The following TSR1 variants were observed in gnomAD, a reference collection of about 807,000 sequenced individuals.
TSR1 encodes the protein pre-rRNA-processing protein TSR1 homolog.
In TSR1, 81 loss-of-function variants were observed where a neutral mutation model predicts 90.9. The ratio of observed to expected loss-of-function variants is 0.89; its 90% CI spans 0.74 to 1.07. The LOEUF (loss-of-function observed/expected upper bound fraction) is 1.07. TSR1 is among the 50% of genes least tolerant of loss of function. The probability of loss-of-function intolerance (pLI) is 0.00; values close to 1 mark genes in which losing one functional copy is unlikely to be tolerated. For synonymous variants in TSR1, 362 were observed against 348.8 expected (o/e 1.04, Z -0.42); for missense variants, 989 against 987.3 (o/e 1.00, Z -0.02).
rs372693289 is a variant in TSR1, at chr17:2,330,964, C to T, written c.1642G>A (p.Glu548Lys). ...ATAGATACCTCAGCTCCTTCAACCTCTTTTTCTTCAACCTCTTTAAAGATG... is the reference window on the plus strand; with the variant it reads ...ATAGATACCTCAGCTCCTTCAACCTTTTTTTCTTCAACCTCTTTAAAGATG... Reference protein sequence around the residue: ...KSIFKEVEEKEVEGAEVGWYV... With the variant: ...KSIFKEVEEKKVEGAEVGWYV... Residue 548 changes from glutamate (E) to lysine (K), a missense_variant, in exon 9 of 15, where the codon GAG (glutamate) becomes AAG (lysine). Physicochemically the swap from Glu to Lys is moderately conservative, Grantham distance 56 (BLOSUM62 1). Coordinates refer to ENST00000301364, the MANE Select transcript of TSR1 (RefSeq NM_018128.5). 3 of 1,592,836 alleles carry T rather than the reference C, an allele frequency of 1.9e-6. No homozygotes were observed. Among genetic ancestry groups the T allele is most frequent in the African/African-American group, 1.4e-5 (1 of 73,548 alleles).
At chr17:2,332,861 A>G in intron 7 of TSR1, 100 bp downstream of exon 7, 1 of 1,240,072 alleles carries the variant, frequency 8.1e-7, no homozygotes, top group Non-Finnish European at 1.1e-6. Flanking sequence ...AAAAAAATAA[A>G]AAAAAGAAAC....
chr17:2,330,898 ATG>A (rs751964964), intron 9 of TSR1, 47 bp downstream of exon 9: 1 of 1,532,892 alleles, frequency 6.5e-7, no homozygotes, highest in South Asian at 1.3e-5. Flanking sequence ...AGTAGGGAGC[ATG>A]TTGACAAATG....
At chr17:2,326,641 T>A (rs2075577686) in intron 11 of TSR1, among the ~76,000 whole-genome samples, 1 of 152,136 alleles carries the variant, frequency 6.6e-6, no homozygotes, top group Non-Finnish European at 1.5e-5. Flanking sequence ...ACCCCCCTTT[T>A]AAAAATACTA....
Position 2,333,665 on chromosome 17 carries a change from T to G in TSR1, c.1033A>C (p.Met345Leu), listed in dbSNP as rs1403388459. The G allele has an allele frequency of 1.2e-6, 2 of 1,614,158 alleles. No individual in the cohort carries two copies. The highest frequency in any genetic ancestry group is 1.7e-5 in the Admixed American group (1 of 59,996). The change falls in exon 6 of 15, where the codon ATG becomes CTG. Residue 345 changes from methionine to leucine, a missense_variant. By Grantham distance (15) the Met-to-Leu change is conservative. Coordinates refer to ENST00000301364, the MANE Select transcript of TSR1 (RefSeq NM_018128.5). ...DDMEEGLKVL[M>L]KADPGRQESL... ...TCCTGTCTACCAGGGTCTGCCTTCATTAGGACTTTAAGACCTTCTTCCATA... is the reference window on the plus strand; with the variant it reads ...TCCTGTCTACCAGGGTCTGCCTTCAGTAGGACTTTAAGACCTTCTTCCATA...
chr17:2,324,884 T>C, intron 12 of TSR1, 55 bp from the exon 13 acceptor site: 1 of 1,561,926 alleles, frequency 6.4e-7, no homozygotes, highest in Middle Eastern at 1.7e-4. Flanking sequence ...AAGTCTTCAT[T>C]TATTGCCCAG....
In TSR1 at chr17:2,324,363, G is replaced by T; in HGVS notation, c.2248C>A (p.His750Asn). Reference sequence around the variant, plus strand: ...TTCCCATCAAAGCTGCATTTCATGTGGCCATGGGTACCTAGAAAGACATCA... The same window carrying T: ...TTCCCATCAAAGCTGCATTTCATGTTGCCATGGGTACCTAGAAAGACATCA... ...HIKEPLGTHG[H>N]MKCSFDGKLK... The change falls in exon 15 of 15, where the codon CAC (histidine) becomes AAC (asparagine). Residue 750 changes from histidine (H) to asparagine (N), a missense_variant. His to Asn is a moderately conservative substitution (Grantham distance 68, BLOSUM62 1). Transcript: ENST00000301364. 1 of 1,569,418 alleles carries T rather than the reference G, an allele frequency of 6.4e-7. No individual in the cohort carries two copies. Among genetic ancestry groups the T allele is most frequent in the South Asian group, 1.2e-5 (1 of 82,290 alleles).
chr17:2,336,177 C>T (rs931263597), intron 1 of TSR1, 37 bp from the exon 2 acceptor site: 1 of 1,609,660 alleles, frequency 6.2e-7, no homozygotes, highest in Non-Finnish European at 8.5e-7. Flanking sequence ...TGTGATCGGC[C>T]CCACAAGGTC....
chr17:2,327,961 G>C (rs2075584332), intron 11 of TSR1, among the ~76,000 whole-genome samples: 1 of 151,476 alleles, frequency 6.6e-6, no homozygotes, highest in Admixed American at 6.6e-5. Flanking sequence ...AACAATAAAA[G>C]AATGACTGGC....
chr17:2,324,576 C>A lies in TSR1; in HGVS notation c.2164G>T (p.Asp722Tyr). 3 of 1,614,190 alleles carry A rather than the reference C, an allele frequency of 1.9e-6. No individual in the cohort carries two copies. Among genetic ancestry groups the A allele is most frequent in the Non-Finnish European group, 2.5e-6 (3 of 1,180,030 alleles). The change falls in exon 14 of 15, where the codon GAT becomes TAT. Residue 722 changes from aspartate (D) to tyrosine (Y), a missense_variant and splice_region_variant. Transcript: ENST00000301364. Reference sequence around the variant, plus strand: ...TCCACTGGTTTAAACCACAGCACATCCTCTTAGAATCAAACACATTAAAGA... The same window carrying A: ...TCCACTGGTTTAAACCACAGCACATACTCTTAGAATCAAACACATTAAAGA... ...VVRYMFFNRE[D>Y]VLWFKPVELR...
intron 5 of TSR1, 149 bp from the exon 6 acceptor site, chr17:2,333,865 G>T: frequency 1.0e-6 from 1 of 985,290 alleles, no homozygotes; most frequent in Non-Finnish European, 1.5e-6. Flanking sequence ...TCCAATGGCT[G>T]TTTTCTAATT....
rs373882827 is a variant in TSR1 at position 2,329,395 on chromosome 17, G to A, written c.1851C>T (p.His617=). The A allele has an allele frequency of 1.5e-5, 24 of 1,614,078 alleles. No homozygotes were observed. The highest frequency in any genetic ancestry group is 1.9e-5 in the Non-Finnish European group (23 of 1,180,042). ...AGGCTCGGAAGCGCCTGAATCCACA[G>A]TGAAATATGAGCTCTTCCTTGGCTT... The part of the protein sequence containing the change: ...PVKAKEELIF[H]CGFRRFRASP... Residue 617 remains histidine, a synonymous_variant, in exon 11 of 15, where the codon CAC becomes CAT. Coordinates refer to ENST00000301364, the MANE Select transcript of TSR1 (RefSeq NM_018128.5).
At chr17:2,332,832 G>A (rs930081707) in intron 7 of TSR1, 129 bp downstream of exon 7, 3 of 910,176 alleles carry the variant, frequency 3.3e-6, no homozygotes, top group Middle Eastern at 3.5e-4. Flanking sequence ...GCAAGACTCC[G>A]TCTCATAAAA....
At chr17:2,331,351 A>C (rs1438584017) in intron 8 of TSR1, among the ~76,000 whole-genome samples, 2 of 152,172 alleles carry the variant, frequency 1.3e-5, no homozygotes, top group Non-Finnish European at 2.9e-5. Context: ...TACAGTTCAG[A>C]TGTGTCTCCC....
chr17:2,330,309 C>A (rs752194257), intron 10 of TSR1: 31 of 696,974 alleles, frequency 4.4e-5, no homozygotes, highest in Non-Finnish European at 7.5e-5. Flanking sequence ...ACAGAGATTG[C>A]ATCACTGAGA....
At position 2,336,446 on chromosome 17, in the gene TSR1, G is replaced by T. The variant is rs777001713; in HGVS notation, c.-19C>A. 2.5e-6 allele frequency: 4 copies of T among 1,606,522 alleles called. No individual in the cohort carries two copies. The highest frequency in any genetic ancestry group is 3.4e-6 in the Non-Finnish European group (4 of 1,179,200). On this transcript the variant is annotated 5_prime_UTR_variant, in exon 1 of 15. Transcript: ENST00000301364. ...CCGCCATGCCGCAGCGCGCGTGTAC[G>T]GAGTCAGCACTGCTTCCGGGCCAGG...
chr17:2,324,898 A>C, intron 12 of TSR1, 69 bp from the exon 13 acceptor site: 1 of 1,526,424 alleles, frequency 6.6e-7, no homozygotes, highest in South Asian at 1.3e-5. Flanking sequence ...TGCCCAGTCC[A>C]TTTAAAGACC....
At position 2,334,819 on chromosome 17, in the gene TSR1, C is replaced by T. The variant is rs1235294320; in HGVS notation, c.634G>A (p.Glu212Lys). The T allele has an allele frequency of 6.2e-7, 1 of 1,614,230 alleles. No homozygotes were observed. The highest frequency in any genetic ancestry group is 1.1e-5 in the South Asian group (1 of 91,084). The change falls in exon 5 of 15, where the codon GAG becomes AAG. Residue 212 changes from glutamate (E) to lysine (K), a missense_variant. Coordinates refer to ENST00000301364, the MANE Select transcript of TSR1 (RefSeq NM_018128.5). Reference sequence around the variant, plus strand: ...AGTTTGTCATGCGGAAAGCGCTTCTCCACTGCTTTACTTAGCTTCTTCCTG... The same window carrying T: ...AGTTTGTCATGCGGAAAGCGCTTCTTCACTGCTTTACTTAGCTTCTTCCTG... The part of the protein sequence containing the change: ...DTRKKLSKAV[E>K]KRFPHDKLLL...
intron 6 of TSR1, 198 bp from the exon 7 acceptor site, chr17:2,333,322 G>A: frequency 1.2e-6 from 1 of 851,532 alleles, no homozygotes; most frequent in Non-Finnish European, 1.9e-6. Flanking sequence ...GCCCTGCAAT[G>A]AATCCAAAGT....
In TSR1 at chr17:2,335,744, G is replaced by A. The variant is rs2151442833; in HGVS notation, c.202-14C>T. On this transcript the variant is annotated splice_polypyrimidine_tract_variant and intron_variant, in intron 2 of 14. Transcript: ENST00000301364. ...CTCTGCCAGAACCTGAAAATAGAAAGATATCCGAGAACATCTCAGTGTCTC... is the reference window on the plus strand; with the variant it reads ...CTCTGCCAGAACCTGAAAATAGAAAAATATCCGAGAACATCTCAGTGTCTC... The A allele has an allele frequency of 6.2e-7, 1 of 1,609,754 alleles. No individual in the cohort carries two copies. The highest frequency in any genetic ancestry group is 8.5e-7 in the Non-Finnish European group (1 of 1,178,956).
Sources: allele counts gnomAD v4.1 joint callset (sites outside exome capture counted in the v4.1 genomes callset), GRCh38; gene constraint gnomAD v4.1.1; transcripts MANE v1.5; gene names NCBI Gene and HGNC (gene_info 2026-07-23, HGNC 2026-07-21).